The following KCNB2 variants were observed in gnomAD, a reference collection of about 807,000 sequenced individuals.
KCNB2 encodes the protein potassium voltage-gated channel subfamily B member 2.
Under a neutral mutation model 61.5 loss-of-function variants are expected in KCNB2, and 15 were observed. That is an observed-to-expected ratio of 0.24 (90% CI 0.16 to 0.38). KCNB2 has a LOEUF of 0.38. KCNB2 is among the 10% of genes least tolerant of loss of function. KCNB2 has a pLI of 1.00. For missense variants in KCNB2, 828 were observed against 1,125.2 expected (o/e 0.74, Z 3.78); for synonymous variants, 457 against 446.0 (o/e 1.02, Z -0.31).
At chr8:72,725,553 A>ATG (rs1807624638) in intron 2 of KCNB2, among the ~76,000 whole-genome samples, 2 of 62,294 alleles carry the variant, frequency 3.2e-5, no homozygotes, top group South Asian at 5.0e-4. Flanking sequence ...GTGTATATAT[A>ATG]TATGTATATA....
chr8:72,808,270 G>T (rs1203002778), intron 2 of KCNB2, among the ~76,000 whole-genome samples: 1 of 152,104 alleles, frequency 6.6e-6, no homozygotes, highest in Admixed American at 6.6e-5. Context: ...ACTTTGATCA[G>T]AAGTCAATCT....
At chr8:72,805,130 C>T (rs995812) in intron 2 of KCNB2, among the ~76,000 whole-genome samples, 1 of 151,932 alleles carries the variant, frequency 6.6e-6, no homozygotes, top group Non-Finnish European at 1.5e-5. Context: ...GGATCATGTG[C>T]GTTCATACAC....
intron 2 of KCNB2, among the ~76,000 whole-genome samples, chr8:72,628,447 GA>G: frequency 3.3e-5 from 3 of 90,972 alleles, no homozygotes; most frequent in Non-Finnish European, 7.6e-5. Flanking sequence ...GTGTGTGTGA[GA>G]TGCACTTAAA....
At chr8:72,894,091 G>A (rs55796165) in intron 2 of KCNB2, among the ~76,000 whole-genome samples, 7,407 of 152,274 alleles carry the variant, frequency 0.049, 230 homozygotes, top group South Asian at 0.093. Flanking sequence ...AGGAATTCAA[G>A]TAAGGGATTG....
At chr8:72,640,546 C>G (rs981388308) in intron 2 of KCNB2, among the ~76,000 whole-genome samples, 1 of 152,048 alleles carries the variant, frequency 6.6e-6, no homozygotes, top group Non-Finnish European at 1.5e-5. Flanking sequence ...TAGTAGCACT[C>G]AGTCCAGTGC....
At chr8:72,922,963 A>G (rs1318351692) in intron 2 of KCNB2, among the ~76,000 whole-genome samples, 3 of 150,336 alleles carry the variant, frequency 2.0e-5, no homozygotes, top group East Asian at 4.0e-4. Flanking sequence ...GAATCAAACA[A>G]TATATGTAAG....
chr8:72,784,301 C>G (rs1189495285), intron 2 of KCNB2, among the ~76,000 whole-genome samples: 2 of 152,144 alleles, frequency 1.3e-5, no homozygotes, highest in Admixed American at 6.5e-5. Context: ...CCATTCTACT[C>G]TCTGCTTCTG....
At chr8:72,653,620 C>T (rs1184992119) in intron 2 of KCNB2, among the ~76,000 whole-genome samples, 1 of 152,128 alleles carries the variant, frequency 6.6e-6, no homozygotes, top group Non-Finnish European at 1.5e-5. Context: ...ACTGGCCAAA[C>T]CTGACCTGCC....
At chr8:72,667,955 A>G (rs1456140141) in intron 2 of KCNB2, among the ~76,000 whole-genome samples, 1 of 152,216 alleles carries the variant, frequency 6.6e-6, no homozygotes, top group East Asian at 1.9e-4. Context: ...GGGGTCCCCA[A>G]GACCACTCTC....
At chr8:72,771,439 T>G (rs1022454955) in intron 2 of KCNB2, among the ~76,000 whole-genome samples, 1 of 152,216 alleles carries the variant, frequency 6.6e-6, no homozygotes, top group Non-Finnish European at 1.5e-5. Flanking sequence ...TGAATTGATT[T>G]TGAAAGGAGC....
intron 2 of KCNB2, among the ~76,000 whole-genome samples, chr8:72,762,882 A>AATATATATATATATATATATATATAT (rs10551590): frequency 2.1e-5 from 3 of 141,618 alleles, no homozygotes; most frequent in Admixed American, 7.1e-5. Flanking sequence ...CATATTAACA[A>AATATATATATATATATATATATATAT]ATATATATAT....
chr8:72,720,408 C>T (rs1388327631), intron 2 of KCNB2, among the ~76,000 whole-genome samples: 2 of 152,138 alleles, frequency 1.3e-5, no homozygotes, highest in African/African-American at 4.8e-5. Context: ...TCTAAATTTC[C>T]CTCAGAGTGT....
intron 2 of KCNB2, among the ~76,000 whole-genome samples, chr8:72,675,144 C>T (rs1806631549): frequency 6.6e-6 from 1 of 151,956 alleles, no homozygotes; most frequent in Non-Finnish European, 1.5e-5. Context: ...GGATTGTTTT[C>T]ATCACAAAGC....
At chr8:72,606,537 G>A (rs1805455200) in intron 2 of KCNB2, among the ~76,000 whole-genome samples, 1 of 152,082 alleles carries the variant, frequency 6.6e-6, no homozygotes, top group Admixed American at 6.6e-5. Context: ...TTCACCATCA[G>A]AAACAAACAG....
At position 72,839,599 on chromosome 8, in the gene KCNB2, C is replaced by CTTTTTTTTTTTT. The variant is rs10561095; in HGVS notation, c.580-96316_580-96305dup. Reference sequence around the variant, plus strand: ...CCTTGAGCTAAACTTTGAAAGGCTTCTTTTTTTTTTTTTTTTTTTTTTTTT... The same window carrying CTTTTTTTTTTTT: ...CCTTGAGCTAAACTTTGAAAGGCTTCTTTTTTTTTTTTTTTTTTTTTTTTTTTTTTTTTTTTT... On this transcript the variant is annotated intron_variant, in intron 2 of 2. Transcript: ENST00000523207. Among the ~76,000 whole-genome samples, 9 of 87,640 alleles carry CTTTTTTTTTTTT rather than the reference C, an allele frequency of 1.0e-4. 1 individual carries two copies. Among genetic ancestry groups the CTTTTTTTTTTTT allele is most frequent in the Admixed American group, 3.5e-4 (2 of 5,778 alleles). 57.5% of individuals were successfully genotyped at this position (87,640 alleles called of 152,430 possible).
chr8:72,837,189 C>T (rs1809797179), intron 2 of KCNB2, among the ~76,000 whole-genome samples: 1 of 152,148 alleles, frequency 6.6e-6, no homozygotes, highest in African/African-American at 2.4e-5. Context: ...CATAATTGCC[C>T]TTTATTCACA....
At chr8:72,686,252 G>A (rs1485513078) in intron 2 of KCNB2, among the ~76,000 whole-genome samples, 1 of 152,158 alleles carries the variant, frequency 6.6e-6, no homozygotes, top group Admixed American at 6.5e-5. Context: ...TCTGCAGTAT[G>A]AGCTTGTTGG....
chr8:72,768,990 G>A (rs765272927), intron 2 of KCNB2, among the ~76,000 whole-genome samples: 8 of 151,914 alleles, frequency 5.3e-5, no homozygotes, highest in East Asian at 2.0e-4. Context: ...GAGAAACCCC[G>A]TCTCTACTAA....
intron 2 of KCNB2, among the ~76,000 whole-genome samples, chr8:72,817,053 A>G (rs1381632561): frequency 6.6e-6 from 1 of 152,092 alleles, no homozygotes; most frequent in Non-Finnish European, 1.5e-5. Flanking sequence ...GTACACCCTG[A>G]TGTGTTAGGT....
Sources: gnomAD v4.1 joint callset for allele counts (sites outside exome capture counted in the v4.1 genomes callset) on GRCh38, gnomAD v4.1.1 for gene constraint, MANE v1.5 for transcripts, NCBI Gene and HGNC (gene_info 2026-07-23, HGNC 2026-07-21) for gene names.